The following PI4KA variants were observed in gnomAD, a reference collection of about 807,000 sequenced individuals.
The protein encoded by PI4KA is PI4-kinase alpha.
A neutral mutation model predicts 271.4 loss-of-function variants in PI4KA; 122 were observed. The ratio of observed to expected loss-of-function variants is 0.45; its 90% confidence interval spans 0.39 to 0.52. PI4KA has a LOEUF of 0.52. Ranked by LOEUF, PI4KA falls within the 20% of genes least tolerant of loss-of-function variation. The pLI is 0.00. For missense variants in PI4KA, 1,969 were observed against 2,769.1 expected (o/e 0.71, Z 6.48); for synonymous variants, 1,041 against 1,078.8 (o/e 0.96, Z 0.69).
At chr22:20,786,741 G>A in intron 19 of PI4KA, 1 of 913,116 alleles carries the variant, frequency 1.1e-6, no homozygotes, top group South Asian at 1.4e-5. Flanking sequence ...TTTCAAGAGT[G>A]ACTCTGACCA....
At chr22:20,828,104 T>C (rs1312248568) in intron 3 of PI4KA, among the ~76,000 whole-genome samples, 1 of 152,130 alleles carries the variant, frequency 6.6e-6, no homozygotes, top group Admixed American at 6.6e-5. Flanking sequence ...GGTATTTTAT[T>C]ATTTTTGTGA....
chr22:20,767,366 C>G (rs538365348), intron 19 of PI4KA, among the ~76,000 whole-genome samples: 2 of 152,048 alleles, frequency 1.3e-5, no homozygotes, highest in East Asian at 3.9e-4. Flanking sequence ...ATGGCGTGAA[C>G]CTGGGAGGTT....
chr22:20,856,809 A>C (rs1927655190), intron 1 of PI4KA, among the ~76,000 whole-genome samples: 1 of 152,236 alleles, frequency 6.6e-6, no homozygotes, highest in Non-Finnish European at 1.5e-5. Flanking sequence ...TGTTCTCGTG[A>C]CTAGTGAACA....
intron 1 of PI4KA, among the ~76,000 whole-genome samples, chr22:20,846,286 AAAG>A (rs1160462485): frequency 2.0e-5 from 3 of 151,276 alleles, no homozygotes; most frequent in Non-Finnish European, 2.9e-5. Flanking sequence ...AAAAAAAAGA[AAAG>A]AAGAAAAGAA....
At chr22:20,804,209 G>A in intron 12 of PI4KA, 91 bp downstream of exon 12, 2 of 853,386 alleles carry the variant, frequency 2.3e-6, no homozygotes, top group South Asian at 1.4e-5. Flanking sequence ...TCCGCTGCTG[G>A]TGTGCCCACC....
chr22:20,776,812 C>G (rs1933325572), intron 19 of PI4KA, among the ~76,000 whole-genome samples: 1 of 152,138 alleles, frequency 6.6e-6, no homozygotes, highest in South Asian at 2.1e-4. Flanking sequence ...GCGTGTCAGG[C>G]ATCCAACAGA....
At chr22:20,708,144 G>C (rs377578298) in intron 54 of PI4KA, 46 bp from the exon 55 acceptor site, 1 of 1,522,122 alleles carries the variant, frequency 6.6e-7, no homozygotes, top group Admixed American at 1.7e-5. Context: ...GAGCCAGCAG[G>C]GTCTGGGGTC....
intron 23 of PI4KA, among the ~76,000 whole-genome samples, chr22:20,758,364 C>CAAAA (rs3042105): frequency 4.6e-5 from 2 of 43,260 alleles, no homozygotes; most frequent in Admixed American, 4.2e-4. Context: ...GACTCTGTCT[C>CAAAA]AAAAAAAAAA....
chr22:20,858,498 T>C, intron 1 of PI4KA, 72 bp downstream of exon 1: 1 of 1,128,290 alleles, frequency 8.9e-7, no homozygotes, highest in Non-Finnish European at 1.1e-6. Context: ...CCACAGACCC[T>C]CGTCCCGCCT....
At chr22:20,840,804 C>G (rs1925452065) in intron 1 of PI4KA, among the ~76,000 whole-genome samples, 1 of 151,996 alleles carries the variant, frequency 6.6e-6, no homozygotes, top group Non-Finnish European at 1.5e-5. Context: ...TCACTTGAGC[C>G]CAGGAGTTTG....
At position 20,762,307 on chromosome 22, in the gene PI4KA, C is replaced by A. The variant is rs577607311; in HGVS notation, c.2709-921G>T. On this transcript the variant is annotated intron_variant, in intron 22 of 54. Coordinates refer to ENST00000255882, the MANE Select transcript of PI4KA (RefSeq NM_058004.4). ...TTCAGCACACGCATTCGAGTGTGCA[C>A]GTGCACACACCTTTAACTTGATTTC... 2.1e-4 allele frequency among the ~76,000 whole-genome samples: 32 copies of A among 152,148 alleles called. 1 individual carries two copies. Among genetic ancestry groups the A allele is most frequent in the Admixed American group, 5.9e-4 (9 of 15,284 alleles).
At chr22:20,828,832 C>T (rs1043361152) in intron 3 of PI4KA, among the ~76,000 whole-genome samples, 8 of 152,090 alleles carry the variant, frequency 5.3e-5, no homozygotes, top group Non-Finnish European at 1.0e-4. Flanking sequence ...GGATTACAGG[C>T]GTGAGCCACC....
intron 7 of PI4KA, among the ~76,000 whole-genome samples, chr22:20,814,409 G>A (rs1378758632): frequency 6.6e-6 from 1 of 152,150 alleles, no homozygotes; most frequent in African/African-American, 2.4e-5. Flanking sequence ...TGTAGTGATA[G>A]TTGCACAATA....
chr22:20,809,990 G>T lies in PI4KA; in HGVS notation c.1071+977C>A, dbSNP rs117923052. Among the ~76,000 whole-genome samples the T allele has an allele frequency of 1.1e-3, 165 of 152,278 alleles. 2 individuals carry two copies. The East Asian group carries it at 0.019, about 18-fold the overall frequency. On this transcript the variant is annotated intron_variant, in intron 9 of 54. Transcript: ENST00000255882. ...CAGGTACAGTGGTATCAGGCACTGT[G>T]TGTCTTAAAATCAGGTGAGAGAAGG...
intron 42 of PI4KA, among the ~76,000 whole-genome samples, chr22:20,726,017 T>C (rs1235227416): frequency 6.6e-6 from 1 of 152,112 alleles, no homozygotes; most frequent in Non-Finnish European, 1.5e-5. Context: ...TTTTGTTTGT[T>C]TGTTTGTTTT....
intron 43 of PI4KA, 50 bp from the exon 44 acceptor site, chr22:20,718,872 C>T (rs1236297029): frequency 2.5e-6 from 4 of 1,599,092 alleles, no homozygotes; most frequent in Non-Finnish European, 3.4e-6. Flanking sequence ...GGCAGAGGCC[C>T]CTCAGGAATA....
chr22:20,711,246 T>TC, intron 51 of PI4KA, 95 bp downstream of exon 51: 1 of 772,924 alleles, frequency 1.3e-6, no homozygotes, highest in African/African-American at 2.4e-5. Flanking sequence ...GGCAGGGTGG[T>TC]CCTGGGCATT....
chr22:20,801,821 GGTA>G, intron 14 of PI4KA, 149 bp downstream of exon 14: 2 of 770,152 alleles, frequency 2.6e-6, no homozygotes. Flanking sequence ...AGGAGGCAGA[GGTA>G]GCAGTGAGCC....
chr22:20,837,281 A>G (rs1365983092), intron 2 of PI4KA, among the ~76,000 whole-genome samples: 1 of 152,190 alleles, frequency 6.6e-6, no homozygotes, highest in Non-Finnish European at 1.5e-5. Flanking sequence ...GGAGGCTGAG[A>G]TGGGAGAATC....
Sources: gnomAD v4.1 joint callset for allele counts (sites outside exome capture counted in the v4.1 genomes callset) on GRCh38, gnomAD v4.1.1 for gene constraint, MANE v1.5 for transcripts, NCBI Gene and HGNC (gene_info 2026-07-23, HGNC 2026-07-21) for gene names.